TTLL5: variants seen among roughly 807,000 people sequenced by gnomAD.
TTLL5 encodes tubulin tyrosine ligase like 5, also known as tubulin polyglutamylase TTLL5.
TTLL5 carries 132 observed loss-of-function variants against 168.4 expected under a neutral mutation model. That is an observed-to-expected ratio of 0.78 (90% CI 0.68 to 0.91). The LOEUF is 0.91. TTLL5 is among the 40% of genes least tolerant of loss of function. The pLI, the probability that TTLL5 is intolerant of heterozygous loss-of-function variation, is 0.00. For synonymous variants in TTLL5, 546 were observed against 558.6 expected, an observed-to-expected ratio of 0.98 and a Z score of 0.32; for missense variants, 1,545 against 1,581.5, an observed-to-expected ratio of 0.98 and a Z score of 0.39.
At chr14:75,812,588 A>C (rs1385415169) in intron 27 of TTLL5, among the ~76,000 whole-genome samples, 2 of 152,222 alleles carry the variant, frequency 1.3e-5, no homozygotes, top group Non-Finnish European at 2.9e-5. Flanking sequence ...GAGAAATAGT[A>C]AAACCTTAAA....
chr14:75,748,436 C>G (rs1356356227), intron 17 of TTLL5, among the ~76,000 whole-genome samples: 1 of 152,012 alleles, frequency 6.6e-6, no homozygotes, highest in Non-Finnish European at 1.5e-5. Flanking sequence ...TTTCTGTTCT[C>G]CTGTTGTTAA....
At chr14:75,891,069 A>C (rs186836904) in intron 30 of TTLL5, among the ~76,000 whole-genome samples, 1 of 152,292 alleles carries the variant, frequency 6.6e-6, no homozygotes, top group East Asian at 1.9e-4. Flanking sequence ...GATAAAGTTG[A>C]GAGTCCTGAC....
At chr14:75,948,477 C>T (rs1433846416) in intron 31 of TTLL5, among the ~76,000 whole-genome samples, 1 of 150,902 alleles carries the variant, frequency 6.6e-6, no homozygotes, top group Non-Finnish European at 1.5e-5. Flanking sequence ...AAGAGTGAAA[C>T]CCTATCTTAA....
At chr14:75,773,889 C>CA (rs1158824704) in intron 21 of TTLL5, among the ~76,000 whole-genome samples, 2,028 of 35,810 alleles carry the variant, frequency 0.057, 51 homozygotes, top group African/African-American at 0.068. Context: ...GATACCGTCT[C>CA]AAAAAAAAAA....
rs148118724 is a variant in TTLL5 at position 75,688,060 on chromosome 14, A to G, written c.372-2132A>G. On this transcript the variant is annotated intron_variant, in intron 5 of 31. Coordinates refer to ENST00000298832, the MANE Select transcript of TTLL5 (RefSeq NM_015072.5). ...TAGTCTTCCTCGTGTTTCCTGACAT[A>G]TAACTCCTTGGCTCCTTGGAATCTC... is the stretch of plus-strand genomic sequence containing the variant. Among the ~76,000 whole-genome samples, 4 of 152,266 alleles carry G rather than the reference A, an allele frequency of 2.6e-5. No homozygotes were observed. The East Asian group carries it at 7.7e-4, about 29-fold the overall frequency.
At chr14:75,820,746 A>G (rs1300727506) in intron 28 of TTLL5, 1 of 153,988 alleles carries the variant, frequency 6.5e-6, no homozygotes, top group Non-Finnish European at 1.5e-5. Flanking sequence ...CTTCCAAATT[A>G]AAAAAGAAAC....
intron 3 of TTLL5, among the ~76,000 whole-genome samples, chr14:75,672,592 AT>A (rs1239673466): frequency 6.6e-6 from 1 of 152,142 alleles, no homozygotes; most frequent in Non-Finnish European, 1.5e-5. Flanking sequence ...TATAAGGGAT[AT>A]TGATTTATAG....
Position 75,775,605 on chromosome 14 carries a change from G to A in TTLL5, c.2258G>A (p.Gly753Asp). 1 of 1,614,026 alleles carries A rather than the reference G, an allele frequency of 6.2e-7. No homozygotes were observed. The highest frequency in any genetic ancestry group is 8.5e-7 in the Non-Finnish European group (1 of 1,179,944). The change falls in exon 22 of 32, where the codon GGT becomes GAT. Residue 753 changes from glycine to aspartate, a missense_variant. By Grantham distance (94) the Gly-to-Asp change is moderately conservative. Transcript: ENST00000298832. ...AGAAGAATCCTGGCCCACCAGCTGG[G>A]TGACTTTATCATTGTATACAACAAG... ...ERRRILAHQL[G>D]DFIIVYNKET...
At chr14:75,756,727 C>T (rs1012945609) in intron 18 of TTLL5, among the ~76,000 whole-genome samples, 4 of 151,982 alleles carry the variant, frequency 2.6e-5, no homozygotes, top group East Asian at 1.9e-4. Flanking sequence ...AAGCTGATCG[C>T]GAACTCTTGG....
intron 15 of TTLL5, among the ~76,000 whole-genome samples, chr14:75,740,855 A>G (rs1017208341): frequency 2.6e-5 from 4 of 152,206 alleles, no homozygotes; most frequent in Non-Finnish European, 4.4e-5. Context: ...TTTAATGAAG[A>G]ATTCCAAACT....
intron 23 of TTLL5, among the ~76,000 whole-genome samples, chr14:75,777,977 A>T (rs1891816454): frequency 2.4e-5 from 3 of 122,636 alleles, no homozygotes; most frequent in Middle Eastern, 3.7e-3. Flanking sequence ...AAAAGGATTA[A>T]AAAAAAAAAA....
chr14:75,737,812 C>G (rs1021897439), intron 15 of TTLL5, among the ~76,000 whole-genome samples: 3 of 152,104 alleles, frequency 2.0e-5, no homozygotes, highest in African/African-American at 7.2e-5. Flanking sequence ...CTTAGGGATC[C>G]TCTTTTCCTG....
In TTLL5 at chr14:75,719,741, C is replaced by T. The variant is rs771374735; in HGVS notation, c.849C>T (p.Asp283=). ...NKKSGDYVSC[D]DPEVEDYGNK... The stretch of plus-strand genomic sequence containing the variant: ...ATTTATTAATTTGTTTTAGTTGTGA[C>T]GATCCAGAAGTGGAGGATTATGGAA... The change falls in exon 11 of 32, where the codon GAC becomes GAT. Residue 283 remains aspartate (D), a synonymous_variant. Coordinates refer to ENST00000298832, the MANE Select transcript of TTLL5 (RefSeq NM_015072.5). 31 of 1,606,326 alleles carry T rather than the reference C, an allele frequency of 1.9e-5. No homozygotes were observed. Among genetic ancestry groups the T allele is most frequent in the Admixed American group, 8.6e-5 (5 of 58,412 alleles).
chr14:75,888,843 G>A (rs2032249508), intron 30 of TTLL5, among the ~76,000 whole-genome samples: 1 of 151,894 alleles, frequency 6.6e-6, no homozygotes, highest in South Asian at 2.1e-4. Context: ...GCGGAGGCTG[G>A]AGAATCGCTT....
At chr14:75,925,152 T>C (rs1383551456) in intron 31 of TTLL5, among the ~76,000 whole-genome samples, 16 of 120,624 alleles carry the variant, frequency 1.3e-4, no homozygotes, top group African/African-American at 4.9e-4. Flanking sequence ...CCCCCCCACC[T>C]CCCTCCCGGA....
intron 28 of TTLL5, among the ~76,000 whole-genome samples, chr14:75,861,604 T>C (rs2030009479): frequency 1.3e-5 from 2 of 152,200 alleles, no homozygotes; most frequent in South Asian, 4.1e-4. Flanking sequence ...ATGAATACTT[T>C]TCTCAATTTA....
intron 27 of TTLL5, among the ~76,000 whole-genome samples, chr14:75,808,129 A>C (rs766477614): frequency 3.3e-5 from 5 of 152,188 alleles, no homozygotes; most frequent in Non-Finnish European, 5.9e-5. Context: ...AACCCTACGA[A>C]GAGATTTGCC....
chr14:75,905,901 G>C (rs971386433), intron 31 of TTLL5, among the ~76,000 whole-genome samples: 6 of 152,128 alleles, frequency 3.9e-5, no homozygotes, highest in Non-Finnish European at 5.9e-5. Context: ...TAAGCTCTTA[G>C]TAGTCTGCAA....
intron 31 of TTLL5, among the ~76,000 whole-genome samples, chr14:75,938,401 T>A (rs1405304794): frequency 7.2e-5 from 11 of 152,196 alleles, no homozygotes; most frequent in Admixed American, 7.2e-4. Flanking sequence ...GGAGGCAGCC[T>A]TGAGAGACAC....
Sources: gnomAD v4.1 joint callset for allele counts (sites outside exome capture counted in the v4.1 genomes callset) on GRCh38, gnomAD v4.1.1 for gene constraint, MANE v1.5 for transcripts, NCBI Gene and HGNC (gene_info 2026-07-23, HGNC 2026-07-21) for gene names.